The following NPHS1 variants were observed in gnomAD, a reference collection of about 807,000 sequenced individuals.
The protein encoded by NPHS1 is NPHS1 adhesion molecule, nephrin, also known as nephrin.
In NPHS1, 107 loss-of-function variants were observed where a neutral mutation model predicts 139.7. That is an observed-to-expected ratio of 0.77 (90% confidence interval 0.66 to 0.90). The LOEUF is 0.90. Among genes scored for constraint, NPHS1 ranks in the 40% least tolerant of loss-of-function variants. NPHS1 has a pLI of 0.00. For synonymous variants in NPHS1, 707 were observed against 706.6 expected, an observed-to-expected ratio of 1.00 and a Z score of -0.01; for missense variants, 1,580 against 1,654.2, an observed-to-expected ratio of 0.96 and a Z score of 0.78.
In NPHS1 at chr19:35,842,386, A is replaced by C; in HGVS notation, c.2499T>G (p.Val833=). ...APPARRLLRL[V]VRFAPQVEHP... ...TGTTTGGGTAATACCCACATCTGAC[A>C]ACAAGACGGAGCAGCCGTCGTGCTG... The change falls in exon 18 of 29, where the codon GTT becomes GTG. Residue 833 remains valine, a synonymous_variant. Coordinates refer to ENST00000378910, the MANE Select transcript of NPHS1 (RefSeq NM_004646.4). 1 of 1,614,006 alleles carries C rather than the reference A, an allele frequency of 6.2e-7. No homozygotes were observed. Among genetic ancestry groups the C allele is most frequent in the Non-Finnish European group, 8.5e-7 (1 of 1,180,020 alleles).
At position 35,846,071 on chromosome 19, in the gene NPHS1, T is replaced by C. The variant is rs1187147475; in HGVS notation, c.1564A>G (p.Asn522Asp). The C allele has an allele frequency of 2.5e-6, 4 of 1,595,872 alleles. No homozygotes were observed. Among genetic ancestry groups the C allele is most frequent in the Non-Finnish European group, 3.4e-6 (4 of 1,171,648 alleles). The change falls in exon 12 of 29, where the codon AAC becomes GAC. Residue 522 changes from asparagine to aspartate, a missense_variant. Asn to Asp is a conservative substitution (Grantham distance 23). Coordinates refer to ENST00000378910, the MANE Select transcript of NPHS1 (RefSeq NM_004646.4). ...GCCTTGCACGTGAACTTGGCCTGGT[T>C]GTCCGACGGCCCTGTGACCAGCACC... Reference protein sequence around the residue: ...ELVLVTGPSDNQAKFTCKAGQ... With the variant: ...ELVLVTGPSDDQAKFTCKAGQ...
chr19:35,831,559 C>A, intron 24 of NPHS1, 59 bp from the exon 25 acceptor site: 1 of 1,613,196 alleles, frequency 6.2e-7, no homozygotes, highest in East Asian at 2.2e-5. Context: ...ACCCCGGCCC[C>A]AGGAAGACCT....
intron 22 of NPHS1, among the ~76,000 whole-genome samples, 186 bp downstream of exon 22, chr19:35,839,051 C>G (rs1973016468): frequency 6.6e-6 from 1 of 152,114 alleles, no homozygotes; most frequent in South Asian, 2.1e-4. Flanking sequence ...AACGGTTGGT[C>G]TCAAGTTCAT....
rs988398037 is a variant in NPHS1, at chr19:35,848,641, A to G, written c.1166T>C (p.Met389Thr). 1.9e-6 allele frequency: 3 copies of G among 1,613,052 alleles called. No homozygotes were observed. The highest frequency in any genetic ancestry group is 3.3e-5 in the Admixed American group (2 of 59,948). Residue 389 changes from methionine (M) to threonine (T), a missense_variant, in exon 9 of 29, where the codon ATG (methionine) becomes ACG (threonine). Transcript: ENST00000378910. ...GGAGCCTGGCCCCCGCCTCACATCC[A>G]TGACTGTCTCCTCCATGGGCAGCAG... ...RQLLPMEETV[M>T]DGLHGGHISM...
chr19:35,842,446 A>G lies in NPHS1; in HGVS notation c.2439T>C (p.Ala813=), dbSNP rs1409749224. ...CCCCATTGTCCACAATGCACTGGTA[A>G]GCGCCAGCCTGGGCCAGTTTGGCAT... The part of the protein sequence containing the change: ...IHHAKLAQAG[A]YQCIVDNGVA... The change falls in exon 18 of 29, where the codon GCT becomes GCC. Residue 813 remains alanine (A), a synonymous_variant. Transcript: ENST00000378910. The G allele has an allele frequency of 6.2e-7, 1 of 1,614,160 alleles. No homozygotes were observed. Among genetic ancestry groups the G allele is most frequent in the Non-Finnish European group, 8.5e-7 (1 of 1,180,030 alleles).
Position 35,830,893 on chromosome 19 carries a change from G to A in NPHS1, c.3545C>T (p.Thr1182Met), listed in dbSNP as rs143003940. 6.4e-5 allele frequency: 104 copies of A among 1,613,930 alleles called. No homozygotes were observed. The highest frequency in any genetic ancestry group is 5.6e-4 in the East Asian group (25 of 44,878). ...TCCCCAGGCTCCAGACGGGGGGTAC[G>A]TTCTTTCTACCTCATCATACAAGTG... Reference protein sequence around the residue: ...PGHLYDEVERTYPPSGAWGPL... With the variant: ...PGHLYDEVERMYPPSGAWGPL... The change falls in exon 28 of 29, where the codon ACG becomes ATG. Residue 1182 changes from threonine (T) to methionine (M), a missense_variant. By Grantham distance (81) the Thr-to-Met change is moderately conservative. Coordinates refer to ENST00000378910, the MANE Select transcript of NPHS1 (RefSeq NM_004646.4).
At position 35,846,194 on chromosome 19, in the gene NPHS1, C is replaced by A. The variant is rs756062754; in HGVS notation, c.1441G>T (p.Asp481Tyr). 5.0e-6 allele frequency: 8 copies of A among 1,584,578 alleles called. No individual in the cohort carries two copies. In the East Asian group the frequency reaches 1.8e-4, roughly 37 times the overall value. Residue 481 changes from aspartate (D) to tyrosine (Y), a missense_variant and splice_region_variant, in exon 12 of 29, where the codon GAC becomes TAC. Asp to Tyr is a radical substitution (Grantham distance 160). Coordinates refer to ENST00000378910, the MANE Select transcript of NPHS1 (RefSeq NM_004646.4). The part of the protein sequence containing the change: ...NPEPSLMWYK[D>Y]SRTVTESRLP... ...CGCGACTCGGTCACGGTGCGCGAGTCCTACGGGCCGGGAGTGACTGGGGTT... is the reference window on the plus strand; with the variant it reads ...CGCGACTCGGTCACGGTGCGCGAGTACTACGGGCCGGGAGTGACTGGGGTT...
intron 4 of NPHS1, 129 bp downstream of exon 4, chr19:35,850,832 C>T: frequency 8.0e-7 from 1 of 1,247,278 alleles, no homozygotes; most frequent in Non-Finnish European, 1.1e-6. Context: ...CCCACACCTT[C>T]TCCTGGGTCC....
At chr19:35,850,495 A>C (rs755832498) in intron 4 of NPHS1, 50 bp from the exon 5 acceptor site, 11 of 1,502,470 alleles carry the variant, frequency 7.3e-6, no homozygotes, top group African/African-American at 2.8e-5. Context: ...CGCAAGATAG[A>C]TTCTGGGGAG....
intron 16 of NPHS1, 191 bp from the exon 17 acceptor site, chr19:35,843,784 C>T (rs953023094): frequency 8.5e-6 from 6 of 702,994 alleles, no homozygotes; most frequent in Non-Finnish European, 7.0e-6. Flanking sequence ...TCCACTATGC[C>T]TCTGTGATAA....
At position 35,842,521 on chromosome 19, in the gene NPHS1, A is replaced by T. The variant is rs1430828506; in HGVS notation, c.2364T>A (p.Asp788Glu). Residue 788 changes from aspartate to glutamate, a missense_variant, in exon 18 of 29, where the codon GAT (aspartate) becomes GAA (glutamate). Asp to Glu is a conservative substitution (Grantham distance 45, BLOSUM62 2). Transcript: ENST00000378910. ...GTCCCCTGGATATCTTCTCCATGTC[A>T]TCCAGGCTCTGGTCCTCCTCATCTT... ...LGEDEEDQSL[D>E]DMEKISRGPT... The T allele has an allele frequency of 6.2e-7, 1 of 1,614,090 alleles. No homozygotes were observed.
At chr19:35,833,694 G>T (rs1247433922) in intron 23 of NPHS1, among the ~76,000 whole-genome samples, 5 of 151,900 alleles carry the variant, frequency 3.3e-5, no homozygotes, top group Non-Finnish European at 7.4e-5. Flanking sequence ...CATATACCAA[G>T]ACTTTTTCTT....
Position 35,839,281 on chromosome 19 carries a change from C to T in NPHS1, c.3065G>A (p.Ser1022Asn). 1 of 1,614,234 alleles carries T rather than the reference C, an allele frequency of 6.2e-7. No homozygotes were observed. Among genetic ancestry groups the T allele is most frequent in the Non-Finnish European group, 8.5e-7 (1 of 1,180,046 alleles). Residue 1022 changes from serine to asparagine, a missense_variant, in exon 22 of 29, where the codon AGT (serine) becomes AAT (asparagine). Ser to Asn is a conservative substitution (Grantham distance 46). Transcript: ENST00000378910. ...CTGGGTCCCTTTGTCAGCCAGTCCA[C>T]TGTCCCCCAAGGCATTACTGGCCAG... ...WLLASNALGD[S>N]GLADKGTQLP... is the part of the protein sequence containing the mutation.
chr19:35,851,132 G>T (rs2146831441), intron 3 of NPHS1, 43 bp from the exon 4 acceptor site: 1 of 1,613,950 alleles, frequency 6.2e-7, no homozygotes, highest in East Asian at 2.2e-5. Flanking sequence ...GCACTGAGAA[G>T]GACTTGAAGA....
Position 35,831,772 on chromosome 19 carries a change from G to A in NPHS1, c.3167-10C>T, listed in dbSNP as rs1453091406. The stretch of plus-strand genomic sequence containing the variant: ...GGCAGCCCCGAGGGTCCTAGGGGTG[G>A]AAGATACCCCTCAGTGAATCCCAGA... On this transcript the variant is annotated splice_polypyrimidine_tract_variant and intron_variant, in intron 23 of 28. Coordinates refer to ENST00000378910, the MANE Select transcript of NPHS1 (RefSeq NM_004646.4). 15 of 1,559,522 alleles carry A rather than the reference G, an allele frequency of 9.6e-6. No homozygotes were observed. The highest frequency in any genetic ancestry group is 1.3e-5 in the Non-Finnish European group (15 of 1,153,114).
chr19:35,835,199 C>CAAAAAAAAAAAAAAAAAA (rs71167570), intron 23 of NPHS1, among the ~76,000 whole-genome samples: 3 of 71,208 alleles, frequency 4.2e-5, no homozygotes, highest in Non-Finnish European at 7.6e-5. Context: ...GACTCTGTCT[C>CAAAAAAAAAAAAAAAAAA]AAAAAAAAAA....
At chr19:35,833,517 TA>T (rs1246819653) in intron 23 of NPHS1, among the ~76,000 whole-genome samples, 1 of 152,160 alleles carries the variant, frequency 6.6e-6, no homozygotes, top group African/African-American at 2.4e-5. Flanking sequence ...ACAATTCTAC[TA>T]GCTGTCAAGA....
Position 35,845,320 on chromosome 19 carries a change from T to C in NPHS1, c.1930+48A>G. 2 of 1,583,330 alleles carry C rather than the reference T, an allele frequency of 1.3e-6. No individual in the cohort carries two copies. The highest frequency in any genetic ancestry group is 1.7e-6 in the Non-Finnish European group (2 of 1,152,130). ...AAAAAGGTAAGACCCAAGGAGTAGT[T>C]TAGGGTCAAGAAGGCATCGAGAGGG... On this transcript the variant is annotated intron_variant, in intron 14 of 28. Transcript: ENST00000378910. This position sits in a 1 kb window ranked among gnomAD's most constrained non-coding sequence, Gnocchi z 5.5.
At chr19:35,833,947 C>T (rs1972918253) in intron 23 of NPHS1, among the ~76,000 whole-genome samples, 7 of 152,198 alleles carry the variant, frequency 4.6e-5, no homozygotes, top group Admixed American at 4.6e-4. Flanking sequence ...AGTGATCTAC[C>T]TGCCTCAGCC....
Sources: allele counts gnomAD v4.1 joint callset (sites outside exome capture counted in the v4.1 genomes callset), GRCh38; gene constraint gnomAD v4.1.1; non-coding constraint Gnocchi (gnomAD v3.1); transcripts MANE v1.5; gene names NCBI Gene and HGNC (gene_info 2026-07-23, HGNC 2026-07-21).